Variants in MACROD2 observed in about 807,000 individuals in gnomAD.
MACROD2 encodes the protein mono-ADP ribosylhydrolase 2.
In MACROD2, 36 loss-of-function variants were observed where a neutral mutation model predicts 70.4. The ratio of observed to expected loss-of-function variants is 0.51; its 90% CI spans 0.39 to 0.68. The LOEUF (loss-of-function observed/expected upper bound fraction) is 0.68. Among genes scored for constraint, MACROD2 ranks in the 30% least tolerant of loss-of-function variants. The probability of loss-of-function intolerance (pLI) is 0.00; values close to 1 mark genes in which losing one functional copy is unlikely to be tolerated. For synonymous variants in MACROD2, 172 were observed against 178.8 expected, an observed-to-expected ratio of 0.96 and a Z score of 0.30; for missense variants, 496 against 538.4, an observed-to-expected ratio of 0.92 and a Z score of 0.78.
At chr20:14,622,346 T>C (rs1453787793) in intron 4 of MACROD2, among the ~76,000 whole-genome samples, 1 of 152,126 alleles carries the variant, frequency 6.6e-6, no homozygotes, top group Admixed American at 6.6e-5. Context: ...TGCTTTTCTA[T>C]GATTGCACAC....
chr20:14,966,815 T>A (rs1230635959), intron 5 of MACROD2, among the ~76,000 whole-genome samples: 1 of 152,114 alleles, frequency 6.6e-6, no homozygotes, highest in Non-Finnish European at 1.5e-5. Context: ...TGCCATTGTA[T>A]GTACAGGCAT....
chr20:14,442,420 A>G (rs1054430117), intron 3 of MACROD2, among the ~76,000 whole-genome samples: 1 of 152,048 alleles, frequency 6.6e-6, no homozygotes, highest in African/African-American at 2.4e-5. Context: ...GATTTTATGA[A>G]ATTATTATTT....
intron 2 of MACROD2, among the ~76,000 whole-genome samples, chr20:14,075,562 A>G (rs1158631479): frequency 6.6e-6 from 1 of 152,134 alleles, no homozygotes; most frequent in East Asian, 1.9e-4. Flanking sequence ...TGGCTCCTCT[A>G]AGACCTCTCC....
At chr20:14,735,060 A>G (rs2071646114) in intron 5 of MACROD2, among the ~76,000 whole-genome samples, 1 of 152,168 alleles carries the variant, frequency 6.6e-6, no homozygotes, top group Non-Finnish European at 1.5e-5. Context: ...GTAAGTCTTC[A>G]TGACTTAGAG....
intron 6 of MACROD2, among the ~76,000 whole-genome samples, chr20:15,417,723 G>T (rs1260002161): frequency 6.6e-6 from 1 of 151,726 alleles, no homozygotes; most frequent in East Asian, 1.9e-4. Flanking sequence ...GGGCTCCACC[G>T]CAGACCTTCT....
At chr20:14,673,991 A>C (rs1718028596) in intron 4 of MACROD2, among the ~76,000 whole-genome samples, 1 of 152,084 alleles carries the variant, frequency 6.6e-6, no homozygotes, top group South Asian at 2.1e-4. Context: ...TGCAAATTAA[A>C]TTTGTGATAA....
intron 5 of MACROD2, among the ~76,000 whole-genome samples, chr20:14,797,943 G>T (rs1411346774): frequency 6.6e-6 from 1 of 151,968 alleles, no homozygotes; most frequent in Non-Finnish European, 1.5e-5. Flanking sequence ...TTATTACCAA[G>T]ACTGGAAAAA....
chr20:14,272,772 T>G (rs1294433303), intron 3 of MACROD2, among the ~76,000 whole-genome samples: 6 of 152,080 alleles, frequency 3.9e-5, no homozygotes, highest in Non-Finnish European at 8.8e-5. Context: ...GAGACACACA[T>G]AAGCTCAAAA....
chr20:15,823,954 A>G (rs2063969122), intron 8 of MACROD2, among the ~76,000 whole-genome samples: 1 of 152,226 alleles, frequency 6.6e-6, no homozygotes, highest in African/African-American at 2.4e-5. Flanking sequence ...AGCCCAATCC[A>G]ATTCAGTCAT....
At chr20:14,594,371 CTTT>C (rs1461407160) in intron 4 of MACROD2, among the ~76,000 whole-genome samples, 32 of 152,184 alleles carry the variant, frequency 2.1e-4, no homozygotes, top group Admixed American at 2.1e-3. Flanking sequence ...ATGGAAAATG[CTTT>C]TTTTAGAATA....
At chr20:14,590,869 T>C (rs1378300515) in intron 4 of MACROD2, among the ~76,000 whole-genome samples, 1 of 152,144 alleles carries the variant, frequency 6.6e-6, no homozygotes, top group African/African-American at 2.4e-5. Flanking sequence ...AGGTAAATGG[T>C]GGATGATTGT....
At chr20:14,340,513 T>A (rs913808674) in intron 3 of MACROD2, among the ~76,000 whole-genome samples, 1 of 152,038 alleles carries the variant, frequency 6.6e-6, no homozygotes, top group Non-Finnish European at 1.5e-5. Context: ...ATTTTTCAAA[T>A]TTCTCTTTGA....
At chr20:14,486,524 A>AT (rs3044661) in intron 3 of MACROD2, among the ~76,000 whole-genome samples, 3 of 128,560 alleles carry the variant, frequency 2.3e-5, no homozygotes, top group African/African-American at 8.8e-5. Flanking sequence ...TTTTTATTTT[A>AT]TTTTTTTTTT....
intron 8 of MACROD2, among the ~76,000 whole-genome samples, chr20:15,594,714 A>G (rs1486003110): frequency 1.3e-5 from 2 of 152,232 alleles, no homozygotes; most frequent in East Asian, 1.9e-4. Flanking sequence ...ATAAATGTTT[A>G]ACATATTGAT....
At chr20:15,053,244 G>C (rs151178675) in intron 5 of MACROD2, among the ~76,000 whole-genome samples, 9 of 152,220 alleles carry the variant, frequency 5.9e-5, no homozygotes, top group African/African-American at 2.2e-4. Context: ...CCAAATGACA[G>C]ATTTTCAACG....
intron 8 of MACROD2, among the ~76,000 whole-genome samples, chr20:15,551,021 C>G (rs1202524429): frequency 6.6e-6 from 1 of 152,180 alleles, no homozygotes. Context: ...GAAAATAATT[C>G]AGATTCACTT....
intron 10 of MACROD2, among the ~76,000 whole-genome samples, chr20:15,890,096 A>C (rs985205668): frequency 6.6e-6 from 1 of 152,212 alleles, no homozygotes. Flanking sequence ...ACTGTTTCAC[A>C]GAACATGTTT....
chr20:14,981,446 A>G (rs1451023715), intron 5 of MACROD2, among the ~76,000 whole-genome samples: 1 of 63,930 alleles, frequency 1.6e-5, no homozygotes, highest in Admixed American at 1.6e-4. Flanking sequence ...ATATATATAT[A>G]TATATATGTG....
intron 7 of MACROD2, among the ~76,000 whole-genome samples, chr20:15,438,259 A>G (rs2046452758): frequency 6.6e-6 from 1 of 152,090 alleles, no homozygotes; most frequent in Non-Finnish European, 1.5e-5. Context: ...TCGCCATACT[A>G]CTTTCCACAA....
Sources: gnomAD v4.1 joint callset for allele counts (sites outside exome capture counted in the v4.1 genomes callset) on GRCh38, gnomAD v4.1.1 for gene constraint, MANE v1.5 for transcripts, NCBI Gene and HGNC (gene_info 2026-07-23, HGNC 2026-07-21) for gene names.